Variants in NREP observed in about 807,000 individuals in gnomAD.
NREP encodes the protein neuronal regeneration related protein.
NREP carries 5 observed loss-of-function variants against 8.6 expected under a neutral mutation model. That is an observed-to-expected ratio of 0.58 (90% CI 0.30 to 1.22). The LOEUF is 1.22. NREP is among the 50% of genes most tolerant of loss of function. The pLI, the probability that NREP is intolerant of heterozygous loss-of-function variation, is 0.07. For missense variants in NREP, 86 were observed against 82.5 expected (o/e 1.04, Z -0.17); for synonymous variants, 27 against 28.0 (o/e 0.96, Z 0.11).
chr5:111,964,355 T>A (rs1756566901), intron 2 of NREP, among the ~76,000 whole-genome samples: 1 of 152,166 alleles, frequency 6.6e-6, no homozygotes, highest in Non-Finnish European at 1.5e-5. Context: ...ATTTTAGTCA[T>A]GTATTCCACT....
intron 2 of NREP, among the ~76,000 whole-genome samples, chr5:111,740,112 C>T (rs1749520840): frequency 6.6e-6 from 1 of 151,684 alleles, no homozygotes; most frequent in African/African-American, 2.4e-5. Context: ...AGTGTTTATA[C>T]TTGTCACTGA....
intron 2 of NREP, among the ~76,000 whole-genome samples, chr5:111,959,258 G>C (rs1329146590): frequency 6.6e-6 from 1 of 151,052 alleles, no homozygotes; most frequent in Non-Finnish European, 1.5e-5. Context: ...ACATTTTTAA[G>C]TAAGCAAAAT....
intron 2 of NREP, among the ~76,000 whole-genome samples, chr5:111,864,670 A>G (rs187508602): frequency 5.3e-4 from 81 of 152,270 alleles, no homozygotes; most frequent in African/African-American, 1.7e-3. Flanking sequence ...CAAAGAAATG[A>G]GTCCAAATGG....
chr5:111,910,918 T>A (rs1390209773), intron 2 of NREP, among the ~76,000 whole-genome samples: 1 of 152,038 alleles, frequency 6.6e-6, no homozygotes, highest in African/African-American at 2.4e-5. Context: ...TCCAGCCCCT[T>A]CTTGGTACTA....
Position 111,915,295 on chromosome 5 carries a change from T to C in NREP, c.135+59979A>G, listed in dbSNP as rs76185436. Reference sequence around the variant, plus strand: ...ATGTTGAAGAAATTGTCCAGGGACTTTGCCTGAAATCACACCTTACTCTTC... The same window carrying C: ...ATGTTGAAGAAATTGTCCAGGGACTCTGCCTGAAATCACACCTTACTCTTC... On this transcript the variant is annotated intron_variant, in intron 2 of 3. Transcript: ENST00000395634. Among the ~76,000 whole-genome samples, 285 of 152,178 alleles carry C rather than the reference T, an allele frequency of 1.9e-3. 1 individual carries two copies. The highest frequency in any genetic ancestry group is 3.7e-3 in the Admixed American group (56 of 15,282).
intron 2 of NREP, among the ~76,000 whole-genome samples, chr5:111,941,487 T>C (rs1755828133): frequency 6.6e-6 from 1 of 152,228 alleles, no homozygotes; most frequent in South Asian, 2.1e-4. Flanking sequence ...TGGTCTTTCC[T>C]CTGTACCTGT....
intron 2 of NREP, among the ~76,000 whole-genome samples, chr5:111,842,260 C>T (rs1220277422): frequency 6.6e-6 from 1 of 152,058 alleles, no homozygotes; most frequent in African/African-American, 2.4e-5. Flanking sequence ...GATATATTTT[C>T]CCCTGAAATA....
intron 2 of NREP, among the ~76,000 whole-genome samples, chr5:111,887,228 T>C (rs1484438119): frequency 1.3e-5 from 2 of 152,142 alleles, no homozygotes; most frequent in East Asian, 1.9e-4. Context: ...CCAGTGTACA[T>C]AAACCTTTTA....
At chr5:111,913,617 G>C (rs1422607404) in intron 2 of NREP, among the ~76,000 whole-genome samples, 2 of 152,062 alleles carry the variant, frequency 1.3e-5, no homozygotes. Context: ...AAAGATAAAA[G>C]GAGGAACTAA....
intron 2 of NREP, among the ~76,000 whole-genome samples, chr5:111,956,551 A>C (rs1756325979): frequency 6.6e-6 from 1 of 152,196 alleles, no homozygotes; most frequent in Non-Finnish European, 1.5e-5. Flanking sequence ...ACTTTAAAAA[A>C]TTCTAAATAA....
At chr5:111,770,764 C>G (rs1454728943) in intron 2 of NREP, among the ~76,000 whole-genome samples, 1 of 151,698 alleles carries the variant, frequency 6.6e-6, no homozygotes, top group Admixed American at 6.6e-5. Flanking sequence ...GAGACAGGGT[C>G]TCACCGTGTT....
intron 2 of NREP, among the ~76,000 whole-genome samples, chr5:111,964,231 A>T (rs1385044999): frequency 6.6e-6 from 1 of 152,212 alleles, no homozygotes; most frequent in Non-Finnish European, 1.5e-5. Context: ...TTTATCTGAC[A>T]TCTTTCATTT....
chr5:111,972,314 A>C (rs1226831283), intron 2 of NREP, among the ~76,000 whole-genome samples: 1 of 152,218 alleles, frequency 6.6e-6, no homozygotes. Flanking sequence ...AGTCATTATG[A>C]AAAACAGTAC....
chr5:111,973,594 G>T (rs1581264749), intron 2 of NREP, among the ~76,000 whole-genome samples: 1 of 152,136 alleles, frequency 6.6e-6, no homozygotes, highest in African/African-American at 2.4e-5. Context: ...AAATTTCTGT[G>T]TTCCTATATT....
At chr5:111,930,111 C>A (rs185006190) in intron 2 of NREP, among the ~76,000 whole-genome samples, 118 of 152,176 alleles carry the variant, frequency 7.8e-4, no homozygotes, top group Non-Finnish European at 1.3e-3. Flanking sequence ...AGGAAAAGGG[C>A]GAGGCAAGAG....
At chr5:111,788,565 A>G (rs1751668314) in intron 2 of NREP, among the ~76,000 whole-genome samples, 1 of 152,254 alleles carries the variant, frequency 6.6e-6, no homozygotes, top group Non-Finnish European at 1.5e-5. Context: ...ACATGCACCC[A>G]GAATTCCTGG....
chr5:111,757,437 T>C (rs1221194181), upstream of NREP: 10 of 984,414 alleles, frequency 1.0e-5, no homozygotes, highest in Non-Finnish European at 1.2e-5. Context: ...TCTCTCTCTC[T>C]CCCTTTCCCT....
At chr5:111,895,349 GA>G (rs1754482743) in intron 2 of NREP, among the ~76,000 whole-genome samples, 1 of 152,200 alleles carries the variant, frequency 6.6e-6, no homozygotes, top group Admixed American at 6.5e-5. Context: ...TGCTGGGGAA[GA>G]GAAACATTTT....
At chr5:111,783,090 T>C (rs750804320) in intron 2 of NREP, among the ~76,000 whole-genome samples, 16 of 152,098 alleles carry the variant, frequency 1.1e-4, no homozygotes, top group Non-Finnish European at 2.2e-4. Flanking sequence ...ATGGTAAGAA[T>C]GTTTCATTGT....
Sources: allele counts gnomAD v4.1 joint callset (sites outside exome capture counted in the v4.1 genomes callset), GRCh38; gene constraint gnomAD v4.1.1; transcripts MANE v1.5; gene names NCBI Gene and HGNC (gene_info 2026-07-23, HGNC 2026-07-21).